The following CR1L variants were observed in gnomAD, a reference collection of about 807,000 sequenced individuals.
The protein encoded by CR1L is complement component receptor 1-like protein.
In CR1L, 59 loss-of-function variants were observed where a neutral mutation model predicts 62.3. That is an observed-to-expected ratio of 0.95 (90% CI 0.77 to 1.18). The LOEUF (loss-of-function observed/expected upper bound fraction) is 1.18. Among genes scored for constraint, CR1L ranks in the 50% most tolerant of loss-of-function variants. The probability of loss-of-function intolerance (pLI) is 0.00; values close to 1 mark genes in which losing one functional copy is unlikely to be tolerated. For synonymous variants in CR1L, 279 were observed against 248.7 expected (o/e 1.12, Z -1.15); for missense variants, 700 against 702.8 (o/e 1.00, Z 0.04).
At chr1:207,651,418 C>T (rs889926349) in intron 1 of CR1L, among the ~76,000 whole-genome samples, 1 of 152,014 alleles carries the variant, frequency 6.6e-6, no homozygotes, top group African/African-American at 2.4e-5. Context: ...GGTGAGATTT[C>T]ACTTGGTTAG....
In CR1L at chr1:207,708,050, T is replaced by C. The variant is rs191188281; in HGVS notation, c.1329-128T>C. The C allele has an allele frequency of 5.3e-5, 58 of 1,095,846 alleles. No individual in the cohort carries two copies. In the East Asian group the frequency reaches 1.2e-3, roughly 23 times the overall value. The allele number at this position is 1,095,846 out of a possible 1,614,324, so 67.9% of individuals were successfully genotyped here. A position where few individuals can be genotyped will look rare whatever the true frequency, so the allele number is the denominator to read the frequency against. ...AAAGAAGTAGAAAAGCTGGGAACAA[T>C]AGGTAAAGTTTAGGCTAGGCCTTAG... On this transcript the variant is annotated intron_variant, in intron 9 of 11. Transcript: ENST00000508064.
intron 1 of CR1L, among the ~76,000 whole-genome samples, chr1:207,673,342 A>C (rs1434212710): frequency 6.6e-6 from 1 of 152,230 alleles, no homozygotes; most frequent in Non-Finnish European, 1.5e-5. Flanking sequence ...TATATAATTT[A>C]TTACTTTATA....
intron 4 of CR1L, among the ~76,000 whole-genome samples, chr1:207,690,379 G>A (rs1254249683): frequency 2.6e-5 from 4 of 152,000 alleles, no homozygotes. Flanking sequence ...TAAATATTTG[G>A]AGATCTTCTA....
intron 4 of CR1L, among the ~76,000 whole-genome samples, chr1:207,688,824 T>A (rs992517516): frequency 4.7e-4 from 71 of 152,168 alleles, no homozygotes; most frequent in African/African-American, 1.5e-3. Context: ...ATATTATTTT[T>A]AAAATTTTAT....
intron 10 of CR1L, among the ~76,000 whole-genome samples, chr1:207,713,411 T>G (rs529555212): frequency 2.6e-5 from 4 of 152,302 alleles, no homozygotes; most frequent in African/African-American, 9.6e-5. Context: ...GAATGGCCAG[T>G]GTAATTGTTT....
In CR1L at chr1:207,645,313, T is replaced by G. The variant is rs115047031; in HGVS notation, c.80T>G (p.Leu27Arg). 2.5e-3 allele frequency: 3,966 copies of G among 1,614,054 alleles called. 52 individuals carry two copies. The African/African-American group carries it at 0.027, about 11-fold the overall frequency. ...PGLLLAALVLLLSSFSDQCNV... is the reference protein window; with the variant it reads ...PGLLLAALVLRLSSFSDQCNV... Reference sequence around the variant, plus strand: ...TTGCTTCTGGCGGCCCTGGTGTTGCTGCTGTCCTCCTTCTCCGGTAGGACC... The same window carrying G: ...TTGCTTCTGGCGGCCCTGGTGTTGCGGCTGTCCTCCTTCTCCGGTAGGACC... Residue 27 changes from leucine (L) to arginine (R), a missense_variant, in exon 1 of 12, where the codon CTG becomes CGG. Transcript: ENST00000508064.
At chr1:207,712,037 T>C (rs1664367081) in intron 10 of CR1L, among the ~76,000 whole-genome samples, 1 of 152,270 alleles carries the variant, frequency 6.6e-6, no homozygotes, top group Non-Finnish European at 1.5e-5. Context: ...GAGTTAGCCC[T>C]GCTCTGCAAA....
chr1:207,682,438 G>A (rs1663813924), intron 3 of CR1L, among the ~76,000 whole-genome samples: 2 of 151,988 alleles, frequency 1.3e-5, no homozygotes, highest in South Asian at 4.1e-4. Flanking sequence ...CAGCCTGGGC[G>A]ACAAGAGTGA....
Position 207,694,561 on chromosome 1 carries a change from C to T in CR1L, c.672C>T (p.Cys224=), listed in dbSNP as rs749039486. 185 of 1,612,310 alleles carry T rather than the reference C, an allele frequency of 1.1e-4. No homozygotes were observed. Among genetic ancestry groups the T allele is most frequent in the Non-Finnish European group, 1.4e-4 (169 of 1,179,784 alleles). The change falls in exon 5 of 12, where the codon TGC becomes TGT. Residue 224 remains cysteine (C), a synonymous_variant. Transcript: ENST00000508064. ...VGIWSGPAPQ[C]IIPNKCTPPN... is the part of the protein sequence containing the mutation. ...TCTGGAGTGGCCCAGCCCCTCAGTG[C>T]ATTATACCTAACAAATGCACGCCTC...
chr1:207,676,621 C>A (rs1346476154), intron 1 of CR1L, among the ~76,000 whole-genome samples: 2 of 152,110 alleles, frequency 1.3e-5, no homozygotes, highest in African/African-American at 2.4e-5. Flanking sequence ...AGATTGGGGA[C>A]CAAAGTTCTA....
chr1:207,652,318 G>A (rs148348483), intron 1 of CR1L, among the ~76,000 whole-genome samples: 188 of 152,214 alleles, frequency 1.2e-3, no homozygotes, highest in Middle Eastern at 6.8e-3. Flanking sequence ...GTTTATTGTC[G>A]AATGTTTATT....
intron 10 of CR1L, chr1:207,710,419 A>G: frequency 6.4e-7 from 1 of 1,563,846 alleles, no homozygotes; most frequent in Non-Finnish European, 8.8e-7. Flanking sequence ...TCACCAATGG[A>G]TATTTCATTA....
intron 3 of CR1L, among the ~76,000 whole-genome samples, chr1:207,680,911 C>T (rs1489925090): frequency 6.6e-6 from 1 of 152,216 alleles, no homozygotes; most frequent in African/African-American, 2.4e-5. Flanking sequence ...TAAAATTTCT[C>T]TGTCTCTGCC....
intron 4 of CR1L, among the ~76,000 whole-genome samples, chr1:207,690,381 G>C (rs962056162): frequency 2.6e-5 from 4 of 152,274 alleles, no homozygotes; most frequent in Admixed American, 2.6e-4. Context: ...AATATTTGGA[G>C]ATCTTCTAGT....
At chr1:207,662,101 T>C (rs1219239125) in intron 1 of CR1L, among the ~76,000 whole-genome samples, 4 of 152,222 alleles carry the variant, frequency 2.6e-5, no homozygotes, top group Admixed American at 6.5e-5. Flanking sequence ...ATTTCAACTT[T>C]GGTGAATCTG....
chr1:207,713,352 T>G (rs760412202), intron 10 of CR1L, among the ~76,000 whole-genome samples: 2 of 152,262 alleles, frequency 1.3e-5, no homozygotes, highest in Non-Finnish European at 2.9e-5. Context: ...GAATCTGTAA[T>G]AGTGTATGAA....
At chr1:207,653,413 C>T (rs1407811078) in intron 1 of CR1L, among the ~76,000 whole-genome samples, 1 of 152,178 alleles carries the variant, frequency 6.6e-6, no homozygotes, top group Non-Finnish European at 1.5e-5. Context: ...GACAATAAGT[C>T]TGTTGAAAGC....
Position 207,694,600 on chromosome 1 carries a change from T to C in CR1L, c.711T>C (p.Asn237=). The change falls in exon 5 of 12, where the codon AAT becomes AAC. Residue 237 remains asparagine, a synonymous_variant. Coordinates refer to ENST00000508064, the MANE Select transcript of CR1L (RefSeq NM_175710.2). ...PNKCTPPNVE[N]GILVSDNRSL... ...AATGCACGCCTCCAAATGTGGAAAA[T>C]GGAATATTGGTATCTGACAACAGAA... The C allele has an allele frequency of 6.2e-7, 1 of 1,611,854 alleles. No homozygotes were observed. Among genetic ancestry groups the C allele is most frequent in the South Asian group, 1.1e-5 (1 of 90,984 alleles).
At chr1:207,669,677 G>A in intron 1 of CR1L, 2 of 656,482 alleles carry the variant, frequency 3.0e-6, no homozygotes, top group Non-Finnish European at 4.9e-6. Context: ...CGGGTCCAAA[G>A]GCAGCGCGAT....
Sources: allele counts gnomAD v4.1 joint callset (sites outside exome capture counted in the v4.1 genomes callset), GRCh38; gene constraint gnomAD v4.1.1; transcripts MANE v1.5; gene names NCBI Gene and HGNC (gene_info 2026-07-23, HGNC 2026-07-21).